Variants in TEX36 observed in about 807,000 individuals in gnomAD.
TEX36 encodes the protein testis-expressed protein 36.
A neutral mutation model predicts 13.6 loss-of-function variants in TEX36; 12 were observed. That is an observed-to-expected ratio of 0.88 (90% CI 0.56 to 1.43). The LOEUF is 1.43. Among genes scored for constraint, TEX36 ranks in the 40% most tolerant of loss-of-function variants. The pLI is 0.00. For synonymous variants in TEX36, 93 were observed against 83.0 expected, an observed-to-expected ratio of 1.12 and a Z score of -0.65; for missense variants, 224 against 228.3, an observed-to-expected ratio of 0.98 and a Z score of 0.12.
intron 1 of TEX36, among the ~76,000 whole-genome samples, chr10:125,681,939 A>G (rs975944180): frequency 8.5e-5 from 13 of 152,198 alleles, no homozygotes; most frequent in African/African-American, 3.1e-4. Flanking sequence ...AAGTGGGTAG[A>G]TCAGTTTTTT....
At chr10:125,576,871 T>C in exon 4 of TEX36, 2 of 1,536,128 alleles carry the variant, frequency 1.3e-6, no homozygotes, top group South Asian at 1.2e-5. Flanking sequence ...GCTGTCATTC[T>C]TTCCTGTGAG....
chr10:125,661,995 G>T lies in TEX36; in HGVS notation c.52-18C>A, dbSNP rs1381911587. On this transcript the variant is annotated intron_variant, in intron 1 of 3. Transcript: ENST00000368821. ...TGAGGGAACTGGAAGAACAGCACAC[G>T]CCTTGATTAAAACCAGACACATTTG... is the stretch of plus-strand genomic sequence containing the variant. 1.3e-6 allele frequency: 2 copies of T among 1,552,336 alleles called. No individual in the cohort carries two copies. The highest frequency in any genetic ancestry group is 1.2e-5 in the South Asian group (1 of 84,062).
intron 3 of TEX36, among the ~76,000 whole-genome samples, chr10:125,657,811 T>C (rs1311086938): frequency 6.6e-6 from 1 of 152,060 alleles, no homozygotes; most frequent in Non-Finnish European, 1.5e-5. Context: ...GAACAGGAAG[T>C]GAGTGAGATA....
At chr10:125,637,056 T>C (rs1393536735) in intron 3 of TEX36, among the ~76,000 whole-genome samples, 1 of 152,006 alleles carries the variant, frequency 6.6e-6, no homozygotes, top group East Asian at 1.9e-4. Flanking sequence ...AATCCCAGCA[T>C]TTTGGGAGGC....
rs1340966227 is a variant in TEX36, at chr10:125,661,845, C to T, written c.183+1G>A. The T allele has an allele frequency of 3.9e-6, 6 of 1,551,696 alleles. No individual in the cohort carries two copies. The highest frequency in any genetic ancestry group is 2.4e-5 in the South Asian group (2 of 84,068). On this transcript the variant is annotated splice_donor_variant, in intron 2 of 3. Coordinates refer to ENST00000368821, the MANE Select transcript of TEX36 (RefSeq NM_001128202.3). LOFTEE classifies it high-confidence loss of function. ...GGCAGTGGCCAGTGTTCAGGACTCA[C>T]CTTCTCCCGGACTTTGTATATGGGC...
At chr10:125,591,897 T>C (rs1014918905) in intron 3 of TEX36, among the ~76,000 whole-genome samples, 1 of 152,160 alleles carries the variant, frequency 6.6e-6, no homozygotes, top group Non-Finnish European at 1.5e-5. Context: ...ATTTCACAAG[T>C]CTGTGAGCGT....
chr10:125,601,112 T>C (rs980382639), intron 3 of TEX36, among the ~76,000 whole-genome samples: 8 of 152,266 alleles, frequency 5.3e-5, no homozygotes, highest in Non-Finnish European at 1.0e-4. Context: ...GTTTGTGAAA[T>C]CTAAGCATAC....
intron 3 of TEX36, among the ~76,000 whole-genome samples, chr10:125,598,963 C>G (rs1846112349): frequency 6.6e-6 from 1 of 152,090 alleles, no homozygotes; most frequent in Non-Finnish European, 1.5e-5. Context: ...CCCTATTTTT[C>G]CATAAATTGG....
chr10:125,667,803 C>T (rs921493350), intron 1 of TEX36: 33 of 1,117,360 alleles, frequency 3.0e-5, no homozygotes, highest in Non-Finnish European at 3.2e-5. Context: ...TTGGTGTTCT[C>T]GGCGTTAAGG....
chr10:125,647,543 C>G (rs940306536), intron 3 of TEX36, among the ~76,000 whole-genome samples: 1 of 152,206 alleles, frequency 6.6e-6, no homozygotes, highest in Non-Finnish European at 1.5e-5. Flanking sequence ...ACATTTGACA[C>G]AGAGAAGATT....
chr10:125,640,133 C>G, intron 3 of TEX36: 2 of 985,064 alleles, frequency 2.0e-6, no homozygotes, highest in African/African-American at 1.7e-5. Flanking sequence ...CTGGGATTGT[C>G]CCCTGCAGAT....
chr10:125,615,530 A>T (rs1276702298), intron 3 of TEX36, among the ~76,000 whole-genome samples: 2 of 151,994 alleles, frequency 1.3e-5, no homozygotes, highest in African/African-American at 4.8e-5. Context: ...TTCTGCATCT[A>T]TTGAGATAAT....
intron 3 of TEX36, among the ~76,000 whole-genome samples, chr10:125,615,494 G>A (rs955802832): frequency 1.5e-3 from 228 of 151,612 alleles, no homozygotes; most frequent in African/African-American, 3.1e-3. Context: ...TAGCATGAAG[G>A]GTTGTTGAAT....
chr10:125,682,217 C>T (rs929800027), intron 1 of TEX36, among the ~76,000 whole-genome samples: 1 of 152,146 alleles, frequency 6.6e-6, no homozygotes, highest in Admixed American at 6.5e-5. Flanking sequence ...AGTGCTTGGC[C>T]GACAAGGCTA....
intron 1 of TEX36, among the ~76,000 whole-genome samples, chr10:125,679,799 G>C (rs1320017853): frequency 6.6e-6 from 1 of 152,208 alleles, no homozygotes; most frequent in Admixed American, 6.5e-5. Context: ...AAGTGGGATA[G>C]GCGGGCACGC....
chr10:125,653,650 A>T (rs968547078), downstream of TEX36, among the ~76,000 whole-genome samples: 2 of 152,176 alleles, frequency 1.3e-5, no homozygotes, highest in South Asian at 4.1e-4. Flanking sequence ...AATAATAAAA[A>T]TTTTTAAAAA....
At chr10:125,588,960 C>T (rs896349341) in intron 3 of TEX36, among the ~76,000 whole-genome samples, 1 of 152,150 alleles carries the variant, frequency 6.6e-6, no homozygotes, top group African/African-American at 2.4e-5. Flanking sequence ...CCCTCATCAC[C>T]AATGGCTGGC....
At chr10:125,664,527 T>C (rs192474003) in intron 1 of TEX36, among the ~76,000 whole-genome samples, 168 of 152,258 alleles carry the variant, frequency 1.1e-3, no homozygotes, top group Non-Finnish European at 2.1e-3. Flanking sequence ...GGGAGGTGAT[T>C]GGATCATGGG....
intron 1 of TEX36, among the ~76,000 whole-genome samples, chr10:125,672,081 C>T (rs1847241402): frequency 1.3e-5 from 2 of 150,146 alleles, no homozygotes; most frequent in Admixed American, 1.3e-4. Context: ...AAAACCACCT[C>T]CTAGATTCAT....
Sources: allele counts gnomAD v4.1 joint callset (sites outside exome capture counted in the v4.1 genomes callset), GRCh38; gene constraint gnomAD v4.1.1; transcripts MANE v1.5; gene names NCBI Gene and HGNC (gene_info 2026-07-23, HGNC 2026-07-21).